HDAC8: variants seen among roughly 807,000 people sequenced by gnomAD.
HDAC8 encodes histone deacetylase 8.
In HDAC8, 1 loss-of-function variant was observed where a neutral mutation model predicts 32.2. The ratio of observed to expected loss-of-function variants is 0.03; its 90% CI spans 0.01 to 0.15. HDAC8 has a LOEUF of 0.15. Among genes scored for constraint, HDAC8 ranks in the 10% least tolerant of loss-of-function variants. The probability of loss-of-function intolerance (pLI) is 1.00; values close to 1 mark genes in which losing one functional copy is unlikely to be tolerated. For missense variants in HDAC8, 117 were observed against 300.0 expected (o/e 0.39, Z 4.51); for synonymous variants, 108 against 113.9 (o/e 0.95, Z 0.33).
At chrX:72,337,775 A>G (rs2043747098) in intron 10 of HDAC8, among the ~76,000 whole-genome samples, 1 of 111,515 alleles carries the variant, frequency 9.0e-6, no homozygotes, top group African/African-American at 3.3e-5. Context: ...AATAAAATCT[A>G]AGTTACTCAC....
intron 4 of HDAC8, among the ~76,000 whole-genome samples, chrX:72,497,331 AAAT>A (rs2049059680): frequency 1.8e-5 from 2 of 111,898 alleles, no homozygotes; most frequent in African/African-American, 6.5e-5. Flanking sequence ...TGGCTTATAG[AAAT>A]AATAAGTGTT....
chrX:72,509,397 C>A (rs782107432), intron 4 of HDAC8, among the ~76,000 whole-genome samples: 1 of 111,738 alleles, frequency 8.9e-6, no homozygotes. Flanking sequence ...GCGTTAGTCA[C>A]CCCGCCCGGC....
intron 2 of HDAC8, among the ~76,000 whole-genome samples, chrX:72,571,676 C>T (rs1206233339): frequency 1.9e-5 from 2 of 103,532 alleles, no homozygotes; most frequent in Non-Finnish European, 3.9e-5. Context: ...AAGCGATTCT[C>T]CTGCCTCAGC....
rs2077439229 is a variant in HDAC8 at position 72,437,088 on chromosome X, G to T, written c.1005+24916C>A. 3.6e-5 allele frequency among the ~76,000 whole-genome samples: 4 copies of T among 112,196 alleles called. No homozygotes were observed. In the South Asian group the frequency reaches 1.5e-3, roughly 42 times the overall value. ...GAACAGCTCTGGTCTGCAGCTCCCAGCATGATCAACGCAGAAGGTGGGTGA... is the reference window on the plus strand; with the variant it reads ...GAACAGCTCTGGTCTGCAGCTCCCATCATGATCAACGCAGAAGGTGGGTGA... On this transcript the variant is annotated intron_variant, in intron 9 of 10. Coordinates refer to ENST00000373573, the MANE Select transcript of HDAC8 (RefSeq NM_018486.3).
chrX:72,407,743 C>A (rs1433779944), intron 9 of HDAC8, among the ~76,000 whole-genome samples: 7 of 111,925 alleles, frequency 6.3e-5, no homozygotes, highest in Non-Finnish European at 9.4e-5. Context: ...AGATTTCTGA[C>A]CTCCAGAGCT....
At chrX:72,463,932 G>A (rs1471460810) in intron 8 of HDAC8, among the ~76,000 whole-genome samples, 1 of 112,156 alleles carries the variant, frequency 8.9e-6, no homozygotes, top group Non-Finnish European at 1.9e-5. Flanking sequence ...AAAGGTGGTA[G>A]ATGTTGTGAC....
chrX:72,540,986 G>A (rs1256131199), intron 4 of HDAC8, among the ~76,000 whole-genome samples: 1 of 111,577 alleles, frequency 9.0e-6, no homozygotes, highest in Non-Finnish European at 1.9e-5. Context: ...AGGCAGTGAA[G>A]CTATAGTAAG....
At chrX:72,564,980 T>A (rs2051726710) in intron 4 of HDAC8, among the ~76,000 whole-genome samples, 2 of 112,465 alleles carry the variant, frequency 1.8e-5, no homozygotes, top group Non-Finnish European at 1.9e-5. Context: ...TTGCCAAGAA[T>A]ATTGTTACTG....
intron 5 of HDAC8, among the ~76,000 whole-genome samples, chrX:72,493,673 C>T (rs150276719): frequency 0.065 from 7,214 of 111,507 alleles, 259 homozygotes; most frequent in Non-Finnish European, 0.1. Flanking sequence ...TCTTTTATAA[C>T]CCTTTAAAAA....
intron 4 of HDAC8, among the ~76,000 whole-genome samples, chrX:72,545,028 T>TG (rs2050818133): frequency 9.0e-6 from 1 of 111,428 alleles, no homozygotes; most frequent in Non-Finnish European, 1.9e-5. Context: ...TCTTGGTAGA[T>TG]AGTATCTTTA....
At chrX:72,559,157 A>T (rs1390824500) in intron 4 of HDAC8, among the ~76,000 whole-genome samples, 4 of 99,469 alleles carry the variant, frequency 4.0e-5, no homozygotes, top group African/African-American at 7.4e-5. Flanking sequence ...ATCTCGGCTC[A>T]CTGCAACCTC....
intron 7 of HDAC8, among the ~76,000 whole-genome samples, chrX:72,486,717 T>C (rs1385887587): frequency 9.0e-6 from 1 of 111,679 alleles, no homozygotes; most frequent in African/African-American, 3.3e-5. Context: ...TATACTTCTA[T>C]AGTACAGCAG....
intron 9 of HDAC8, among the ~76,000 whole-genome samples, chrX:72,445,733 C>G (rs1357745848): frequency 1.8e-5 from 2 of 111,882 alleles, no homozygotes; most frequent in African/African-American, 6.5e-5. Context: ...AAACTACCAT[C>G]AGAGTGAACA....
At chrX:72,445,991 T>C (rs782040974) in intron 9 of HDAC8, among the ~76,000 whole-genome samples, 1 of 111,974 alleles carries the variant, frequency 8.9e-6, no homozygotes, top group African/African-American at 3.2e-5. Flanking sequence ...TGAGATACAA[T>C]CTCACACCAG....
chrX:72,348,670 A>G (rs2044093892), intron 10 of HDAC8, among the ~76,000 whole-genome samples: 1 of 111,746 alleles, frequency 8.9e-6, no homozygotes, highest in Admixed American at 9.5e-5. Context: ...AAGTCTGAAC[A>G]TTCCTAGTAT....
intron 4 of HDAC8, among the ~76,000 whole-genome samples, chrX:72,532,710 T>C (rs985372739): frequency 9.0e-6 from 1 of 110,941 alleles, no homozygotes; most frequent in Non-Finnish European, 1.9e-5. Flanking sequence ...CATTTTTCAA[T>C]TGAGTCATTG....
At chrX:72,413,570 T>C in intron 9 of HDAC8, among the ~76,000 whole-genome samples, 1 of 110,568 alleles carries the variant, frequency 9.0e-6, no homozygotes, top group Non-Finnish European at 1.9e-5. Context: ...CCAAATTTCA[T>C]CTTGAATTGT....
intron 9 of HDAC8, among the ~76,000 whole-genome samples, chrX:72,395,167 AG>A (rs1176921137): frequency 1.8e-5 from 2 of 112,843 alleles, no homozygotes; most frequent in African/African-American, 6.4e-5. Context: ...GAAGAAGGAA[AG>A]GGTGATTATC....
At chrX:72,446,516 C>T (rs1251013312) in intron 9 of HDAC8, among the ~76,000 whole-genome samples, 6 of 109,755 alleles carry the variant, frequency 5.5e-5, no homozygotes, top group Non-Finnish European at 9.5e-5. Context: ...AGGGGAACAT[C>T]ACACTCTGGG....
Sources: allele counts gnomAD v4.1 joint callset (sites outside exome capture counted in the v4.1 genomes callset), GRCh38; gene constraint gnomAD v4.1.1; transcripts MANE v1.5; gene names NCBI Gene and HGNC (gene_info 2026-07-23, HGNC 2026-07-21).